NLRC3: variants seen among roughly 807,000 people sequenced by gnomAD.
NLRC3 encodes the protein NLR family CARD domain containing 3.
In NLRC3, 87 loss-of-function variants were observed where a neutral mutation model predicts 91.6. The ratio of observed to expected loss-of-function variants is 0.95; its 90% confidence interval spans 0.80 to 1.14. The LOEUF (loss-of-function observed/expected upper bound fraction) is 1.14, where lower values mean the gene tolerates loss of function less well. Among genes scored for constraint, NLRC3 ranks in the 50% most tolerant of loss-of-function variants. The probability of loss-of-function intolerance (pLI) is 0.00; values close to 1 mark genes in which losing one functional copy is unlikely to be tolerated. For missense variants in NLRC3, 1,577 were observed against 1,418.6 expected, an observed-to-expected ratio of 1.11 and a Z score of -1.79; for synonymous variants, 694 against 625.3, an observed-to-expected ratio of 1.11 and a Z score of -1.64.
In NLRC3 at chr16:3,563,919, C is replaced by G; in HGVS notation, c.1018G>C (p.Gly340Arg). 1 of 1,593,410 alleles carries G rather than the reference C, an allele frequency of 6.3e-7. No homozygotes were observed. Among genetic ancestry groups the G allele is most frequent in the Non-Finnish European group, 8.5e-7 (1 of 1,171,452 alleles). ...CCCGTCCTGCTGCGCCACAGGTGGC[C>G]TAGCGCCATCCCCGTGAGCCTGCAG... ...AFCRLTGMAL[G>R]HLWRSRTGPQ... The change falls in exon 5 of 20, where the codon GGC (glycine) becomes CGC (arginine). Residue 340 changes from glycine (G) to arginine (R), a missense_variant. By Grantham distance (125) the Gly-to-Arg change is moderately radical (BLOSUM62 -2). Transcript: ENST00000359128.
intron 1 of NLRC3, 120 bp downstream of exon 1, chr16:3,577,029 T>C (rs2040331501): frequency 1.4e-6 from 1 of 690,368 alleles, no homozygotes; most frequent in Non-Finnish European, 2.6e-6. Flanking sequence ...TCTTGGAGTC[T>C]CGTGGAGTCT....
Position 3,577,328 on chromosome 16 carries a change from C to G in NLRC3, c.-348G>C. On this transcript the variant is annotated 5_prime_UTR_variant, in exon 1 of 20. Transcript: ENST00000359128. ...GGCACTTACCACGCCAACCAACCAA[C>G]CGTGTGGGGGCCGAGAGCAGTGCAG... 1.5e-6 allele frequency: 1 copy of G among 646,452 alleles called. No individual in the cohort carries two copies. Among genetic ancestry groups the G allele is most frequent in the Non-Finnish European group, 2.8e-6 (1 of 355,990 alleles). The allele number at this position is 646,452 out of a possible 1,614,324, so 40.0% of individuals were successfully genotyped here. A position where few individuals can be genotyped will look rare whatever the true frequency, so the allele number is the denominator to read the frequency against.
chr16:3,574,018 T>C (rs922736628), intron 1 of NLRC3, among the ~76,000 whole-genome samples: 5 of 124,132 alleles, frequency 4.0e-5, no homozygotes, highest in Non-Finnish European at 8.3e-5. Flanking sequence ...TTTTTTTTTT[T>C]TTTTTTTTTT....
rs1308878429 is a variant in NLRC3, at chr16:3,544,122, C to G, written c.2855+124G>C. 6 of 629,384 alleles carry G rather than the reference C, an allele frequency of 9.5e-6. No individual in the cohort carries two copies. In the Admixed American group the frequency reaches 1.6e-4, roughly 17 times the overall value. The allele number at this position is 629,384 out of a possible 1,614,324, so 39.0% of individuals were successfully genotyped here. On this transcript the variant is annotated intron_variant, in intron 16 of 19. Coordinates refer to ENST00000359128, the MANE Select transcript of NLRC3 (RefSeq NM_178844.4). ...ACAGTTAGCTGAGATTATGTCACTGCACTCCAGCCTGGGTGGCAGAGCAAG... is the reference window on the plus strand; with the variant it reads ...ACAGTTAGCTGAGATTATGTCACTGGACTCCAGCCTGGGTGGCAGAGCAAG...
At chr16:3,547,666 G>C (rs145191445) in intron 15 of NLRC3, among the ~76,000 whole-genome samples, 2,054 of 151,916 alleles carry the variant, frequency 0.014, 47 homozygotes, top group African/African-American at 0.043. Context: ...GTATATATAT[G>C]TGTGTATATA....
chr16:3,562,157 C>G (rs991977643), intron 5 of NLRC3, among the ~76,000 whole-genome samples: 1 of 152,172 alleles, frequency 6.6e-6, no homozygotes, highest in Non-Finnish European at 1.5e-5. Flanking sequence ...CAGCTTCTAT[C>G]AGACTGGATG....
chr16:3,569,397 A>AGATATATATATATATATATATTTTTTTT (rs2040013423), intron 1 of NLRC3, among the ~76,000 whole-genome samples: 1 of 41,046 alleles, frequency 2.4e-5, no homozygotes, highest in African/African-American at 1.2e-4. Flanking sequence ...TATATATATT[A>AGATATATATATATATATATATTTTTTTT]TTTTTTTTTT....
chr16:3,561,826 GC>G, intron 5 of NLRC3, 38 bp from the exon 6 acceptor site: 1 of 1,501,614 alleles, frequency 6.7e-7, no homozygotes, highest in Non-Finnish European at 9.3e-7. Flanking sequence ...TGTCCCACCC[GC>G]CCACGGGCAG....
chr16:3,556,288 C>T (rs1202709246), intron 8 of NLRC3, among the ~76,000 whole-genome samples: 1 of 98,454 alleles, frequency 1.0e-5, no homozygotes, highest in Non-Finnish European at 1.8e-5. Context: ...ACAAGATCTC[C>T]AGCCTGGGTG....
Position 3,549,703 on chromosome 16 carries a change from C to A in NLRC3, c.2513G>T (p.Ser838Ile), listed in dbSNP as rs2038894790. 3.9e-6 allele frequency: 6 copies of A among 1,550,654 alleles called. No homozygotes were observed. Among genetic ancestry groups the A allele is most frequent in the Middle Eastern group, 1.7e-4 (1 of 5,998 alleles). Reference sequence around the variant, plus strand: ...GAGGGTGGCCAGGACTTACCTGAGGCTGAGGAGGGTCTGGTTGGTGCAGAG... The same window carrying A: ...GAGGGTGGCCAGGACTTACCTGAGGATGAGGAGGGTCTGGTTGGTGCAGAG... ...GALCTNQTLLSLSLRENSISP... is the reference protein window; with the variant it reads ...GALCTNQTLLILSLRENSISP... Residue 838 changes from serine (S) to isoleucine (I), a missense_variant, in exon 12 of 20, where the codon AGC becomes ATC. Coordinates refer to ENST00000359128, the MANE Select transcript of NLRC3 (RefSeq NM_178844.4).
intron 1 of NLRC3, among the ~76,000 whole-genome samples, chr16:3,574,505 G>A (rs1014647821): frequency 1.3e-5 from 2 of 152,128 alleles, no homozygotes; most frequent in African/African-American, 2.4e-5. Context: ...ACTCACAAGC[G>A]CCTGGGAAGG....
At chr16:3,565,165 C>T in intron 3 of NLRC3, 105 bp from the exon 4 acceptor site, 1 of 862,530 alleles carries the variant, frequency 1.2e-6, no homozygotes, top group Admixed American at 2.1e-5. Context: ...CCCTCTTCCT[C>T]TTTCCTCAGC....
At chr16:3,566,462 G>A (rs1018126851) in intron 2 of NLRC3, among the ~76,000 whole-genome samples, 5 of 152,056 alleles carry the variant, frequency 3.3e-5, no homozygotes, top group Admixed American at 6.6e-5. Context: ...AGGGTGGCTC[G>A]CGCCTGTAAT....
rs1036410504 is a variant in NLRC3 at position 3,563,988 on chromosome 16, G to A, written c.949C>T (p.Gln317Ter). The A allele has an allele frequency of 1.9e-6, 3 of 1,606,448 alleles. No homozygotes were observed. The highest frequency in any genetic ancestry group is 1.6e-4 in the Middle Eastern group (1 of 6,070). ...ALLGWMLSQVQADRALYLMCT... is the reference protein window; with the variant it reads ...ALLGWMLSQV ...ATCAGGTACAGGGCCCTGTCAGCCTGCACTTGGCTCAGCATCCAGCCCAGA... is the reference window on the plus strand; with the variant it reads ...ATCAGGTACAGGGCCCTGTCAGCCTACACTTGGCTCAGCATCCAGCCCAGA... Residue 317 changes from glutamine (Q) to a stop codon, truncating the protein, a stop_gained, in exon 5 of 20, where the codon CAG becomes TAG. Coordinates refer to ENST00000359128, the MANE Select transcript of NLRC3 (RefSeq NM_178844.4). LOFTEE classifies it high-confidence loss of function.
rs2039762612 is a variant in NLRC3, at chr16:3,564,174, C to T, written c.763G>A (p.Gly255Ser). 2 of 1,613,498 alleles carry T rather than the reference C, an allele frequency of 1.2e-6. No homozygotes were observed. The highest frequency in any genetic ancestry group is 3.3e-5 in the Admixed American group (2 of 60,004). ...ATGGAAACTTCCGGAAAGAGGTTGC[C>T]ACGGATGATGTTGGTGATCAGGTGG... ...VDHLITNIIR[G>S]NLFPEVSIWI... is the part of the protein sequence containing the mutation. Residue 255 changes from glycine to serine, a missense_variant, in exon 5 of 20, where the codon GGC becomes AGC. Physicochemically the swap from Gly to Ser is moderately conservative, Grantham distance 56. Coordinates refer to ENST00000359128, the MANE Select transcript of NLRC3 (RefSeq NM_178844.4). The surrounding 1 kb of genome is among the most constrained non-coding windows in gnomAD (Gnocchi z 5.9).
At chr16:3,550,304 G>C in intron 11 of NLRC3, 110 bp downstream of exon 11, 2 of 687,042 alleles carry the variant, frequency 2.9e-6, no homozygotes, top group Non-Finnish European at 5.3e-6. Flanking sequence ...CCCAGGGTTA[G>C]TGTTGGCAGG....
At chr16:3,562,965 C>T (rs1307852737) in intron 5 of NLRC3, 44 bp downstream of exon 5, 2 of 1,516,508 alleles carry the variant, frequency 1.3e-6, no homozygotes, top group East Asian at 4.9e-5. Flanking sequence ...TCTGCTCTCT[C>T]CTCTGCCCCT....
At chr16:3,551,065 C>G (rs898552612) in intron 10 of NLRC3, among the ~76,000 whole-genome samples, 5 of 151,988 alleles carry the variant, frequency 3.3e-5, no homozygotes, top group Non-Finnish European at 7.4e-5. Context: ...ATCCACCTAC[C>G]CATCAGTCCA....
chr16:3,554,178 G>T, intron 9 of NLRC3, 64 bp downstream of exon 9: 1 of 1,264,780 alleles, frequency 7.9e-7, no homozygotes, highest in Non-Finnish European at 1.2e-6. Flanking sequence ...GTAATAGGCA[G>T]AGAGGCCCTT....
Sources: allele counts gnomAD v4.1 joint callset (sites outside exome capture counted in the v4.1 genomes callset), GRCh38; gene constraint gnomAD v4.1.1; non-coding constraint Gnocchi (gnomAD v3.1); transcripts MANE v1.5; gene names NCBI Gene and HGNC (gene_info 2026-07-23, HGNC 2026-07-21).